CEP70: variants seen among roughly 807,000 people sequenced by gnomAD.
The protein encoded by CEP70 is centrosomal protein of 70 kDa.
In CEP70, 70 loss-of-function variants were observed where a neutral mutation model predicts 90.9. The ratio of observed to expected loss-of-function variants is 0.77; its 90% CI spans 0.64 to 0.94. The LOEUF (loss-of-function observed/expected upper bound fraction) is 0.94. Among genes scored for constraint, CEP70 ranks in the 40% least tolerant of loss-of-function variants. The probability of loss-of-function intolerance (pLI) is 0.00; values close to 1 mark genes in which losing one functional copy is unlikely to be tolerated. For synonymous variants in CEP70, 220 were observed against 228.3 expected (o/e 0.96, Z 0.33); for missense variants, 648 against 669.0 (o/e 0.97, Z 0.35).
chr3:138,539,295 T>C (rs1051908393), intron 6 of CEP70, among the ~76,000 whole-genome samples: 2 of 152,188 alleles, frequency 1.3e-5, no homozygotes, highest in Admixed American at 1.3e-4. Flanking sequence ...ATTACAGGTG[T>C]GAGCCACCAT....
At chr3:138,532,838 C>G (rs2037943150) in intron 7 of CEP70, among the ~76,000 whole-genome samples, 1 of 152,184 alleles carries the variant, frequency 6.6e-6, no homozygotes, top group Non-Finnish European at 1.5e-5. Context: ...AATTCTACCT[C>G]TAGCAATATC....
chr3:138,566,677 G>T (rs1160362968), intron 6 of CEP70, among the ~76,000 whole-genome samples: 1 of 151,976 alleles, frequency 6.6e-6, no homozygotes, highest in African/African-American at 2.4e-5. Flanking sequence ...GGGGGCTAGG[G>T]GAGGGATAGC....
intron 16 of CEP70, among the ~76,000 whole-genome samples, chr3:138,499,338 T>C (rs914613674): frequency 3.3e-5 from 5 of 152,192 alleles, no homozygotes; most frequent in African/African-American, 9.7e-5. Flanking sequence ...ATGTTATAGA[T>C]GCCTAGTCTT....
intron 6 of CEP70, among the ~76,000 whole-genome samples, chr3:138,561,525 T>C (rs1230541484): frequency 6.6e-6 from 1 of 151,866 alleles, no homozygotes; most frequent in African/African-American, 2.4e-5. Flanking sequence ...GAAACAAAAC[T>C]GGATGGAGAA....
chr3:138,576,490 C>T (rs2108200725), intron 2 of CEP70, among the ~76,000 whole-genome samples: 1 of 152,294 alleles, frequency 6.6e-6, no homozygotes, highest in East Asian at 1.9e-4. Flanking sequence ...TAGACTCCCA[C>T]ACAATAATAA....
chr3:138,528,795 C>A (rs181473726), intron 10 of CEP70, among the ~76,000 whole-genome samples: 8 of 152,216 alleles, frequency 5.3e-5, no homozygotes, highest in Admixed American at 5.2e-4. Flanking sequence ...AAGTCTGAGA[C>A]CAGCCTGACA....
At chr3:138,573,133 C>A in intron 2 of CEP70, 1 of 575,820 alleles carries the variant, frequency 1.7e-6, no homozygotes, top group Non-Finnish European at 3.1e-6. Flanking sequence ...TTTGAATAAA[C>A]CCTATCTTAT....
In CEP70 at chr3:138,557,576, T is replaced by C. The variant is rs146626562; in HGVS notation, c.465+12742A>G. Among the ~76,000 whole-genome samples, 860 of 152,332 alleles carry C rather than the reference T, an allele frequency of 5.6e-3. 6 individuals carry two copies. Among genetic ancestry groups the C allele is most frequent in the African/African-American group, 0.02 (826 of 41,574 alleles). On this transcript the variant is annotated intron_variant, in intron 6 of 17. Transcript: ENST00000264982. Reference sequence around the variant, plus strand: ...AATCTTCACAATCCACATTCATCTGTCATGGCTTCAGCCAGTCCCTCTGTT... The same window carrying C: ...AATCTTCACAATCCACATTCATCTGCCATGGCTTCAGCCAGTCCCTCTGTT...
Position 138,518,621 on chromosome 3 carries a change from C to T in CEP70, c.944+6869G>A, listed in dbSNP as rs200951273. On this transcript the variant is annotated intron_variant, in intron 11 of 17. Transcript: ENST00000264982. ...CTCCAACAGACCTGCAGCTGAGGGT[C>T]CTGTCTGTTAGAAGGAAAACTAACA... Among the ~76,000 whole-genome samples, 7 of 152,320 alleles carry T rather than the reference C, an allele frequency of 4.6e-5. No individual in the cohort carries two copies. The East Asian group carries it at 9.6e-4, about 21-fold the overall frequency.
intron 12 of CEP70, among the ~76,000 whole-genome samples, chr3:138,507,452 T>C (rs1576545530): frequency 6.6e-6 from 1 of 152,122 alleles, no homozygotes; most frequent in South Asian, 2.1e-4. Flanking sequence ...GCTAAAAATA[T>C]AGCCAATAAA....
rs572225951 is a variant in CEP70, at chr3:138,564,758, C to A, written c.465+5560G>T. 8.5e-5 allele frequency among the ~76,000 whole-genome samples: 13 copies of A among 152,238 alleles called. 1 individual carries two copies. In the South Asian group the frequency reaches 2.7e-3, roughly 32 times the overall value. ...CAATATCATACTGAATGGGCAAAAA[C>A]CAGAAGCACTCCCTTTGAAAACCAG... On this transcript the variant is annotated intron_variant, in intron 6 of 17. Coordinates refer to ENST00000264982, the MANE Select transcript of CEP70 (RefSeq NM_024491.4).
chr3:138,580,223 C>A (rs2041780620), intron 2 of CEP70, among the ~76,000 whole-genome samples: 1 of 152,140 alleles, frequency 6.6e-6, no homozygotes, highest in East Asian at 1.9e-4. Context: ...TCCAAGGATT[C>A]TGATTCCAGG....
At position 138,494,883 on chromosome 3, in the gene CEP70, CCTAATA is replaced by C. The variant is rs1306056867; in HGVS notation, c.*126_*131del. The C allele has an allele frequency of 1.7e-6, 1 of 599,184 alleles. No individual in the cohort carries two copies. The highest frequency in any genetic ancestry group is 1.9e-5 in the African/African-American group (1 of 53,060). 37.1% of individuals were successfully genotyped at this position (599,184 alleles called of 1,614,324 possible). ...TAAAAATTATACAGATGAAGAATGA[CCTAATA>C]CTAAGAAGGGGATGAATTCTGAGAG... On this transcript the variant is annotated 3_prime_UTR_variant, in exon 18 of 18. Coordinates refer to ENST00000264982, the MANE Select transcript of CEP70 (RefSeq NM_024491.4).
At chr3:138,543,695 G>T (rs1035695793) in intron 6 of CEP70, among the ~76,000 whole-genome samples, 4 of 152,138 alleles carry the variant, frequency 2.6e-5, no homozygotes, top group African/African-American at 9.7e-5. Context: ...CTTCAGATTT[G>T]TTGCCACCTC....
chr3:138,554,998 T>C lies in CEP70; in HGVS notation c.465+15320A>G, dbSNP rs144609209. ...GGCCAGACACAGTGGTTCATGCCTGTAATCCCAGCACTCTGGGAGGCGGGT... is the reference window on the plus strand; with the variant it reads ...GGCCAGACACAGTGGTTCATGCCTGCAATCCCAGCACTCTGGGAGGCGGGT... On this transcript the variant is annotated intron_variant, in intron 6 of 17. Coordinates refer to ENST00000264982, the MANE Select transcript of CEP70 (RefSeq NM_024491.4). Among the ~76,000 whole-genome samples, 858 of 152,272 alleles carry C rather than the reference T, an allele frequency of 5.6e-3. 7 individuals are homozygous for C. Among genetic ancestry groups the C allele is most frequent in the African/African-American group, 0.02 (826 of 41,566 alleles).
At chr3:138,569,863 G>A (rs1430207486) in intron 6 of CEP70, among the ~76,000 whole-genome samples, 1 of 152,136 alleles carries the variant, frequency 6.6e-6, no homozygotes, top group Non-Finnish European at 1.5e-5. Context: ...GCCAGACGCT[G>A]TCTCAAAAAA....
intron 6 of CEP70, among the ~76,000 whole-genome samples, chr3:138,553,349 G>A (rs763235363): frequency 1.4e-4 from 22 of 151,998 alleles, no homozygotes; most frequent in African/African-American, 3.9e-4. Context: ...GCGTGGCAGC[G>A]GGTGCCTATA....
intron 6 of CEP70, among the ~76,000 whole-genome samples, chr3:138,555,357 A>G (rs1316688227): frequency 7.9e-5 from 12 of 152,174 alleles, no homozygotes; most frequent in African/African-American, 2.2e-4. Context: ...CCTTCTAGAC[A>G]TTGGATTAGG....
chr3:138,554,091 C>T (rs989001843), intron 6 of CEP70, among the ~76,000 whole-genome samples: 2 of 151,776 alleles, frequency 1.3e-5, no homozygotes, highest in Non-Finnish European at 2.9e-5. Context: ...ATCCCAGCTA[C>T]TCAGGAGACT....
Sources: allele counts gnomAD v4.1 joint callset (sites outside exome capture counted in the v4.1 genomes callset), GRCh38; gene constraint gnomAD v4.1.1; transcripts MANE v1.5; gene names NCBI Gene and HGNC (gene_info 2026-07-23, HGNC 2026-07-21).